SNAP91: variants seen among roughly 807,000 people sequenced by gnomAD.
SNAP91 encodes the protein clathrin coat assembly protein AP180.
SNAP91 carries 27 observed loss-of-function variants against 100.3 expected under a neutral mutation model. That is an observed-to-expected ratio of 0.27 (90% CI 0.20 to 0.37). The LOEUF is 0.37. SNAP91 is among the 10% of genes least tolerant of loss of function. The pLI is 1.00. For synonymous variants in SNAP91, 404 were observed against 398.6 expected (o/e 1.01, Z -0.16); for missense variants, 986 against 1,123.7 (o/e 0.88, Z 1.75).
intron 9 of SNAP91, among the ~76,000 whole-genome samples, chr6:83,619,005 A>C (rs764506353): frequency 5.7e-4 from 86 of 152,154 alleles, no homozygotes; most frequent in South Asian, 1.7e-3. Context: ...AACAAAACAA[A>C]ACAAAACAAA....
chr6:83,599,044 T>G (rs2128232394), intron 16 of SNAP91, among the ~76,000 whole-genome samples: 1 of 152,316 alleles, frequency 6.6e-6, no homozygotes, highest in South Asian at 2.1e-4. Context: ...AGTCTCATTC[T>G]TTGACATTAA....
In SNAP91 at chr6:83,592,490, T is replaced by C; in HGVS notation, c.1895A>G (p.Lys632Arg). The C allele has an allele frequency of 6.2e-7, 1 of 1,612,310 alleles. No homozygotes were observed. The highest frequency in any genetic ancestry group is 8.5e-7 in the Non-Finnish European group (1 of 1,179,156). ...PSPATTASPA[K>R]VDSSGVIDLF... Reference sequence around the variant, plus strand: ...GTCTATGACACCTGAAGAATCCACCTTTGCTGGCGAGGCAGTGGTTGCAGG... The same window carrying C: ...GTCTATGACACCTGAAGAATCCACCCTTGCTGGCGAGGCAGTGGTTGCAGG... The change falls in exon 21 of 30, where the codon AAG becomes AGG. Residue 632 changes from lysine (K) to arginine (R), a missense_variant. Physicochemically the swap from Lys to Arg is conservative, Grantham distance 26. This residue lies in a region of SNAP91 where 575 missense variants were observed against 579.9 expected (regional missense o/e 0.99). Transcript: ENST00000369694.
At chr6:83,574,396 A>C (rs1006277457) in intron 26 of SNAP91, among the ~76,000 whole-genome samples, 47 of 152,318 alleles carry the variant, frequency 3.1e-4, no homozygotes, top group African/African-American at 1.1e-3. Flanking sequence ...TATTAATAGA[A>C]ATTTAAAATA....
intron 2 of SNAP91, among the ~76,000 whole-genome samples, chr6:83,666,799 T>C (rs1295928105): frequency 6.6e-6 from 1 of 152,074 alleles, no homozygotes; most frequent in East Asian, 1.9e-4. Flanking sequence ...TTTCCTTTAT[T>C]GGACTTTTAC....
At chr6:83,639,061 T>C (rs1043962222) in intron 8 of SNAP91, among the ~76,000 whole-genome samples, 1 of 152,238 alleles carries the variant, frequency 6.6e-6, no homozygotes, top group Non-Finnish European at 1.5e-5. Flanking sequence ...CCATAGAACT[T>C]GTTCAACTAC....
intron 24 of SNAP91, among the ~76,000 whole-genome samples, chr6:83,579,511 C>A (rs1283531591): frequency 6.6e-6 from 1 of 152,168 alleles, no homozygotes; most frequent in African/African-American, 2.4e-5. Flanking sequence ...AAGTCTGTAT[C>A]GTGATTTGCT....
intron 26 of SNAP91, among the ~76,000 whole-genome samples, chr6:83,562,827 A>T (rs1295459177): frequency 6.6e-6 from 1 of 151,596 alleles, no homozygotes; most frequent in African/African-American, 2.4e-5. Flanking sequence ...CAGATCCCTC[A>T]CTCTCACTCT....
At chr6:83,698,022 C>T (rs977709589) in intron 2 of SNAP91, among the ~76,000 whole-genome samples, 1 of 151,924 alleles carries the variant, frequency 6.6e-6, no homozygotes, top group South Asian at 2.1e-4. Flanking sequence ...GAAAAGAAAG[C>T]CTAAAACTAG....
chr6:83,648,909 A>T (rs565081494), intron 7 of SNAP91, among the ~76,000 whole-genome samples: 5 of 152,266 alleles, frequency 3.3e-5, no homozygotes, highest in Middle Eastern at 3.4e-3. Flanking sequence ...ATTCTTAATG[A>T]TGTCTTTTGA....
chr6:83,647,457 T>C (rs1372721649), intron 7 of SNAP91, among the ~76,000 whole-genome samples: 1 of 152,242 alleles, frequency 6.6e-6, no homozygotes, highest in African/African-American at 2.4e-5. Flanking sequence ...ATGATTTTTC[T>C]CTTTTAGCTT....
chr6:83,593,325 C>T, intron 18 of SNAP91, 66 bp from the exon 19 acceptor site: 1 of 1,528,404 alleles, frequency 6.5e-7, no homozygotes, highest in African/African-American at 1.4e-5. Context: ...CATCACTTCC[C>T]AGTCCTTAAT....
At chr6:83,591,766 C>A (rs2093779304) in intron 21 of SNAP91, among the ~76,000 whole-genome samples, 1 of 152,122 alleles carries the variant, frequency 6.6e-6, no homozygotes. Flanking sequence ...TCAGACACTG[C>A]AACATCTTTG....
intron 28 of SNAP91, among the ~76,000 whole-genome samples, chr6:83,559,490 C>G (rs1342508255): frequency 6.6e-6 from 1 of 152,142 alleles, no homozygotes; most frequent in African/African-American, 2.4e-5. Flanking sequence ...TATCCTTTTA[C>G]TACAATAAAA....
chr6:83,556,967 AT>A (rs746793383), intron 28 of SNAP91, among the ~76,000 whole-genome samples: 11 of 152,230 alleles, frequency 7.2e-5, no homozygotes, highest in Non-Finnish European at 1.5e-4. Context: ...AATGCAATCT[AT>A]TCAGCTCTCA....
intron 22 of SNAP91, among the ~76,000 whole-genome samples, chr6:83,582,730 T>C (rs566303839): frequency 1.1e-4 from 17 of 152,308 alleles, no homozygotes; most frequent in South Asian, 2.1e-4. Flanking sequence ...ATATCCGGTT[T>C]CTAGAAAATG....
intron 8 of SNAP91, among the ~76,000 whole-genome samples, chr6:83,637,577 T>C (rs2097514271): frequency 6.6e-6 from 1 of 152,214 alleles, no homozygotes; most frequent in Non-Finnish European, 1.5e-5. Context: ...GCATTTTGAC[T>C]GGCTAGACTT....
At chr6:83,585,356 A>C (rs1378243103) in intron 22 of SNAP91, among the ~76,000 whole-genome samples, 1 of 151,916 alleles carries the variant, frequency 6.6e-6, no homozygotes, top group Non-Finnish European at 1.5e-5. Context: ...ATATCTATCT[A>C]TATATATCAA....
intron 8 of SNAP91, among the ~76,000 whole-genome samples, chr6:83,634,202 C>A (rs2128493080): frequency 6.6e-6 from 1 of 152,304 alleles, no homozygotes; most frequent in South Asian, 2.1e-4. Context: ...TGAAGGACCC[C>A]TGTAAGGCCA....
intron 2 of SNAP91, among the ~76,000 whole-genome samples, chr6:83,676,941 T>C (rs2098915982): frequency 6.6e-6 from 1 of 152,146 alleles, no homozygotes; most frequent in Admixed American, 6.6e-5. Context: ...GAATAGCTGA[T>C]AGATTTGATG....
Sources: gnomAD v4.1 joint callset for allele counts (sites outside exome capture counted in the v4.1 genomes callset) on GRCh38, gnomAD v4.1.1 for gene constraint, gnomAD v4.1.1 regional missense constraint, MANE v1.5 for transcripts, NCBI Gene and HGNC (gene_info 2026-07-23, HGNC 2026-07-21) for gene names.